The following LHX8 variants were observed in gnomAD, a reference collection of about 807,000 sequenced individuals.
LHX8 encodes LIM homeobox 8.
In LHX8, 12 loss-of-function variants were observed where a neutral mutation model predicts 40.3. The observed-to-expected ratio is 0.30, with a 90% confidence interval of 0.19 to 0.48. The LOEUF (loss-of-function observed/expected upper bound fraction) is 0.48. LHX8 is among the 20% of genes least tolerant of loss of function. The probability of loss-of-function intolerance (pLI) is 0.99; values close to 1 mark genes in which losing one functional copy is unlikely to be tolerated. For missense variants in LHX8, 344 were observed against 433.7 expected, an observed-to-expected ratio of 0.79 and a Z score of 1.84; for synonymous variants, 179 against 162.0, an observed-to-expected ratio of 1.10 and a Z score of -0.80.
chr1:75,136,770 C>T (rs1648152085), intron 2 of LHX8, 81 bp downstream of exon 2: 1 of 1,174,626 alleles, frequency 8.5e-7, no homozygotes. Context: ...TCCCCGCGCT[C>T]CTTCCAGGGC....
At chr1:75,168,827 T>C in the LHX8 span, among the ~76,000 whole-genome samples, 1 of 152,194 alleles carries the variant, frequency 6.6e-6, no homozygotes, top group East Asian at 1.9e-4. Context: ...CAATTCATCA[T>C]ATGCTGCTTG....
At chr1:75,133,018 C>A (rs1570280972), upstream of LHX8, 1 of 152,234 alleles carries the variant, frequency 6.6e-6, no homozygotes, top group Non-Finnish European at 1.5e-5. Flanking sequence ...CTGGTTCCCA[C>A]GCACAAGTTA....
chr1:75,140,855 C>A (rs1648292885), intron 3 of LHX8, 130 bp from the exon 4 acceptor site: 5 of 892,770 alleles, frequency 5.6e-6, no homozygotes, highest in Middle Eastern at 2.5e-4. Flanking sequence ...AAAATGACAT[C>A]TTTTGGATGA....
chr1:75,146,553 G>A (rs138263585), intron 6 of LHX8, among the ~76,000 whole-genome samples: 3 of 152,078 alleles, frequency 2.0e-5, no homozygotes, highest in African/African-American at 7.2e-5. Flanking sequence ...GACTTTTCTG[G>A]TAGATCTCCT....
intron 7 of LHX8, among the ~76,000 whole-genome samples, chr1:75,156,033 C>A (rs1331762016): frequency 1.4e-5 from 2 of 146,138 alleles, no homozygotes; most frequent in East Asian, 2.0e-4. Context: ...ATTAAAAGAG[C>A]TTTTTCTGCT....
At chr1:75,155,530 G>A (rs567708642) in intron 7 of LHX8, among the ~76,000 whole-genome samples, 15 of 152,058 alleles carry the variant, frequency 9.9e-5, no homozygotes, top group South Asian at 4.2e-4. Flanking sequence ...CACTGCGCCC[G>A]GCCCATGAAG....
the LHX8 span, among the ~76,000 whole-genome samples, chr1:75,199,145 ATTGAGT>A: frequency 6.6e-6 from 1 of 152,184 alleles, no homozygotes; most frequent in Admixed American, 6.5e-5. Context: ...ATGATTTGCT[ATTGAGT>A]TTCTTTTTCA....
At chr1:75,188,698 C>T in the LHX8 span, among the ~76,000 whole-genome samples, 1 of 152,154 alleles carries the variant, frequency 6.6e-6, no homozygotes, top group African/African-American at 2.4e-5. Context: ...GGAAAATTAA[C>T]CTACGTTGAA....
At chr1:75,130,823 C>A, upstream of LHX8, 1 of 1,283,130 alleles carries the variant, frequency 7.8e-7, no homozygotes, top group Admixed American at 1.7e-5. Flanking sequence ...GGGCAAAAAT[C>A]CAAAGACACG....
At chr1:75,142,863 A>G (rs1254339458) in intron 4 of LHX8, among the ~76,000 whole-genome samples, 3 of 152,204 alleles carry the variant, frequency 2.0e-5, no homozygotes, top group African/African-American at 7.2e-5. Flanking sequence ...TTTTAAAAGA[A>G]AACTTCAATC....
At chr1:75,141,154 G>T in intron 4 of LHX8, 48 bp downstream of exon 4, 1 of 1,593,500 alleles carries the variant, frequency 6.3e-7, no homozygotes. Flanking sequence ...AAATTATTAT[G>T]CAAAGAGACT....
At chr1:75,159,975 T>G (rs1239146130) in intron 8 of LHX8, 1 of 152,226 alleles carries the variant, frequency 6.6e-6, no homozygotes, top group African/African-American at 2.4e-5. Context: ...TGTTTTTAAC[T>G]AGGGCTTCTC....
At chr1:75,154,048 A>C (rs1437084701) in intron 7 of LHX8, among the ~76,000 whole-genome samples, 2 of 152,192 alleles carry the variant, frequency 1.3e-5, no homozygotes, top group Non-Finnish European at 2.9e-5. Context: ...ATTTTAGCTT[A>C]GTTTATGATT....
intron 3 of LHX8, 86 bp from the exon 4 acceptor site, chr1:75,140,899 G>A: frequency 7.6e-7 from 1 of 1,316,888 alleles, no homozygotes; most frequent in Non-Finnish European, 1.1e-6. Flanking sequence ...ATATTAAGGG[G>A]CCAGTTTTTT....
At chr1:75,152,099 T>C (rs1024062334) in intron 7 of LHX8, among the ~76,000 whole-genome samples, 23 of 152,246 alleles carry the variant, frequency 1.5e-4, no homozygotes, top group Admixed American at 1.4e-3. Flanking sequence ...TAAGAATTAC[T>C]GTGATCTCAA....
chr1:75,147,145 G>A (rs1648480751), intron 6 of LHX8, among the ~76,000 whole-genome samples: 1 of 152,150 alleles, frequency 6.6e-6, no homozygotes, highest in African/African-American at 2.4e-5. Context: ...AGCCAATTCT[G>A]CCCTTTTTTA....
downstream of LHX8, among the ~76,000 whole-genome samples, chr1:75,165,899 T>G (rs1649022889): frequency 6.6e-6 from 1 of 152,234 alleles, no homozygotes; most frequent in African/African-American, 2.4e-5. Flanking sequence ...AGCTGGATTT[T>G]GACACTTTCT....
chr1:75,141,468 CATT>C, intron 4 of LHX8, among the ~76,000 whole-genome samples: 2 of 152,118 alleles, frequency 1.3e-5, no homozygotes, highest in Middle Eastern at 6.8e-3. Flanking sequence ...GAAATAAAAT[CATT>C]ATGGGGGAGA....
chr1:75,169,655 T>C, the LHX8 span, among the ~76,000 whole-genome samples: 1 of 152,218 alleles, frequency 6.6e-6, no homozygotes, highest in Admixed American at 6.5e-5. Context: ...AGTAGAAATA[T>C]TTAAACTATC....
Sources: gnomAD v4.1 joint callset for allele counts (sites outside exome capture counted in the v4.1 genomes callset) on GRCh38, gnomAD v4.1.1 for gene constraint, MANE v1.5 for transcripts, NCBI Gene and HGNC (gene_info 2026-07-23, HGNC 2026-07-21) for gene names.